ZIC4: variants seen among roughly 807,000 people sequenced by gnomAD.
The protein encoded by ZIC4 is zinc finger protein ZIC 4.
Under a neutral mutation model 28.8 loss-of-function variants are expected in ZIC4, and 15 were observed. The observed-to-expected ratio is 0.52, with a 90% CI of 0.35 to 0.80. The LOEUF (loss-of-function observed/expected upper bound fraction) is 0.80. ZIC4 is among the 30% of genes least tolerant of loss of function. The pLI is 0.01. For synonymous variants in ZIC4, 220 were observed against 198.1 expected (o/e 1.11, Z -0.93); for missense variants, 512 against 467.1 (o/e 1.10, Z -0.89).
In ZIC4 at chr3:147,390,842, C is replaced by A; in HGVS notation, c.1004+89G>T. The A allele has an allele frequency of 5.5e-6, 8 of 1,452,834 alleles. No homozygotes were observed. The South Asian group carries it at 7.0e-5, about 13-fold the overall frequency. 90.0% of individuals were successfully genotyped at this position (1,452,834 alleles called of 1,614,324 possible). On this transcript the variant is annotated intron_variant, in intron 4 of 4. Coordinates refer to ENST00000383075, the MANE Select transcript of ZIC4 (RefSeq NM_032153.6). ...GAGGCAGCCCTAATACCGGAGGCGG[C>A]GGCGGCAGCAGCAGGGCCAGGTGGT... is the stretch of plus-strand genomic sequence containing the variant.
chr3:147,390,911 C>T lies in ZIC4; in HGVS notation c.1004+20G>A, dbSNP rs369390033. 4 of 1,592,252 alleles carry T rather than the reference C, an allele frequency of 2.5e-6. No homozygotes were observed. Among genetic ancestry groups the T allele is most frequent in the Non-Finnish European group, 3.4e-6 (4 of 1,169,316 alleles). On this transcript the variant is annotated intron_variant, in intron 4 of 4. Transcript: ENST00000383075. ...GCGGCGGGGGCAGCCGCTATGGGGC[C>T]CAAGCCCTGACACACGTACCATTCG...
chr3:147,393,925 G>GC (rs1278125253), intron 3 of ZIC4: 2 of 456,742 alleles, frequency 4.4e-6, no homozygotes, highest in East Asian at 1.4e-4. Flanking sequence ...CGCCTTCAAA[G>GC]CCAGGCCCCG....
chr3:147,390,058 G>C (rs1181572386), intron 4 of ZIC4, among the ~76,000 whole-genome samples: 1 of 152,102 alleles, frequency 6.6e-6, no homozygotes, highest in Non-Finnish European at 1.5e-5. Flanking sequence ...TGTATTTCTT[G>C]TTGTTTTGAA....
At chr3:147,406,054 C>G (rs567479936) in intron 1 of ZIC4, 1 of 160,678 alleles carries the variant, frequency 6.2e-6, no homozygotes, top group South Asian at 1.7e-4. Context: ...ACAAACTGCT[C>G]CTGGTTCCTG....
chr3:147,405,608 C>G (rs932186914), intron 1 of ZIC4: 9 of 899,410 alleles, frequency 1.0e-5, no homozygotes, highest in African/African-American at 5.0e-5. Flanking sequence ...GGAGCTGCGG[C>G]CTGCTCCCCA....
chr3:147,386,282 C>G lies in ZIC4; in HGVS notation c.*2577G>C, dbSNP rs990290088. 1 of 152,306 alleles carries G rather than the reference C, an allele frequency of 6.6e-6. No individual in the cohort carries two copies. Among genetic ancestry groups the G allele is most frequent in the Non-Finnish European group, 1.5e-5 (1 of 68,032 alleles). 9.4% of individuals were successfully genotyped at this position (152,306 alleles called of 1,614,324 possible). ...CATAATTTAACTGACACTAAAGAGA[C>G]AGATGATAAATCACAAACAGTGTGG... On this transcript the variant is annotated 3_prime_UTR_variant, in exon 5 of 5. Coordinates refer to ENST00000383075, the MANE Select transcript of ZIC4 (RefSeq NM_032153.6).
chr3:147,391,382 T>G (rs918210699), intron 3 of ZIC4, 136 bp from the exon 4 acceptor site: 179 of 1,146,990 alleles, frequency 1.6e-4, no homozygotes, highest in Non-Finnish European at 2.0e-4. Context: ...CCACGGCGCC[T>G]CAGGTCGAGC....
chr3:147,397,850 C>T (rs968347206), intron 2 of ZIC4, among the ~76,000 whole-genome samples: 3 of 152,162 alleles, frequency 2.0e-5, no homozygotes, highest in African/African-American at 7.2e-5. Flanking sequence ...TTTCGTCTCT[C>T]TTATTTTCCC....
chr3:147,396,478 G>T lies in ZIC4; in HGVS notation c.71-9C>A. ...GTGTCCAGAGCTGCTACCTGTTGTC[G>T]AAACAAATAGCGCGCATGAGAACGG... On this transcript the variant is annotated splice_polypyrimidine_tract_variant and intron_variant, in intron 2 of 4. Transcript: ENST00000383075. The surrounding 1 kb of genome is among the most constrained non-coding windows in gnomAD (Gnocchi z 4.2). 2 of 1,506,258 alleles carry T rather than the reference G, an allele frequency of 1.3e-6. No homozygotes were observed. The highest frequency in any genetic ancestry group is 8.8e-7 in the Non-Finnish European group (1 of 1,131,788). 93.3% of individuals were successfully genotyped at this position (1,506,258 alleles called of 1,614,324 possible).
chr3:147,405,348 T>C (rs1337101543), intron 1 of ZIC4: 23 of 1,526,910 alleles, frequency 1.5e-5, no homozygotes, highest in Non-Finnish European at 1.9e-5. Context: ...AGGACAATAC[T>C]GTCGGAAAGC....
At chr3:147,397,386 C>T (rs1446965303) in intron 2 of ZIC4, among the ~76,000 whole-genome samples, 12 of 151,810 alleles carry the variant, frequency 7.9e-5, no homozygotes, top group African/African-American at 2.7e-4. Context: ...CACACCTCTC[C>T]CCCAAACATA....
rs1308722890 is a variant in ZIC4, at chr3:147,386,283, AGAT to A, written c.*2573_*2575del. The stretch of plus-strand genomic sequence containing the variant: ...ATAATTTAACTGACACTAAAGAGAC[AGAT>A]GATAAATCACAAACAGTGTGGGTAG... On this transcript the variant is annotated 3_prime_UTR_variant, in exon 5 of 5. Transcript: ENST00000383075. 6.6e-6 allele frequency: 1 copy of A among 152,410 alleles called. No individual in the cohort carries two copies. Among genetic ancestry groups the A allele is most frequent in the Non-Finnish European group, 1.5e-5 (1 of 68,046 alleles). The allele number at this position is 152,410 out of a possible 1,614,324, so 9.4% of individuals were successfully genotyped here.
chr3:147,397,101 C>T (rs558227029), intron 2 of ZIC4: 2 of 151,848 alleles, frequency 1.3e-5, no homozygotes, highest in Non-Finnish European at 2.9e-5. Context: ...TTCTTTCTTT[C>T]TCTTCTTCTT....
intron 3 of ZIC4, chr3:147,392,313 G>T: frequency 1.0e-6 from 1 of 985,764 alleles, no homozygotes; most frequent in Non-Finnish European, 1.2e-6. Context: ...GGCATAGGCC[G>T]GGGAGGGGCT....
intron 3 of ZIC4, among the ~76,000 whole-genome samples, chr3:147,395,334 G>T (rs1359372290): frequency 6.6e-6 from 1 of 152,152 alleles, no homozygotes; most frequent in East Asian, 1.9e-4. Flanking sequence ...AACATCCCTA[G>T]TGTCCGGCCA....
intron 1 of ZIC4, chr3:147,404,096 C>T: frequency 6.5e-7 from 1 of 1,536,632 alleles, no homozygotes; most frequent in Non-Finnish European, 8.7e-7. Flanking sequence ...AGAAGGGCGG[C>T]ATGCTGGGCG....
At chr3:147,389,561 C>T (rs2086866085) in intron 4 of ZIC4, among the ~76,000 whole-genome samples, 1 of 152,080 alleles carries the variant, frequency 6.6e-6, no homozygotes, top group Non-Finnish European at 1.5e-5. Context: ...TTTGGGGCAG[C>T]CGCATTCTCC....
intron 2 of ZIC4, chr3:147,397,212 A>G (rs1262799120): frequency 2.0e-5 from 3 of 152,172 alleles, no homozygotes; most frequent in Admixed American, 1.3e-4. Flanking sequence ...TAGGAAGTCA[A>G]TAGAGATTCA....
rs2087037499 is a variant in ZIC4 at position 147,396,155 on chromosome 3, T to A, written c.385A>T (p.Ile129Phe). ...YMRQPIKQEL[I>F]CKWLAADGTA... ...CCGTCGGCCGCCAGCCACTTGCAGA[T>A]GAGCTCCTGTTTGATGGGCTGGCGC... Residue 129 changes from isoleucine to phenylalanine, a missense_variant, in exon 3 of 5, where the codon ATC becomes TTC. Ile to Phe is a conservative substitution (Grantham distance 21). Around this residue, in one of 3 missense-constraint regions of ZIC4, gnomAD observed 310 missense variants for 256.5 expected, o/e 1.21. Transcript: ENST00000383075. This position sits in a 1 kb window ranked among gnomAD's most constrained non-coding sequence, Gnocchi z 4.2. 1.9e-6 allele frequency: 3 copies of A among 1,614,104 alleles called. No individual in the cohort carries two copies. The highest frequency in any genetic ancestry group is 2.2e-5 in the South Asian group (2 of 91,080).
Sources: allele counts gnomAD v4.1 joint callset (sites outside exome capture counted in the v4.1 genomes callset), GRCh38; gene constraint gnomAD v4.1.1; regional missense constraint gnomAD v4.1.1; non-coding constraint Gnocchi (gnomAD v3.1); transcripts MANE v1.5; gene names NCBI Gene and HGNC (gene_info 2026-07-23, HGNC 2026-07-21).